ADD3: variants seen among roughly 807,000 people sequenced by gnomAD.
ADD3 encodes gamma-adducin.
In ADD3, 25 loss-of-function variants were observed where a neutral mutation model predicts 80.2. The observed-to-expected ratio is 0.31, with a 90% CI of 0.23 to 0.44. ADD3 has a LOEUF of 0.44. ADD3 is among the 20% of genes least tolerant of loss of function. The pLI, the probability that ADD3 is intolerant of heterozygous loss-of-function variation, is 1.00. For synonymous variants in ADD3, 284 were observed against 289.6 expected (o/e 0.98, Z 0.20); for missense variants, 829 against 847.5 (o/e 0.98, Z 0.27).
chr10:110,012,893 T>C (rs1329856833), intron 1 of ADD3, among the ~76,000 whole-genome samples: 3 of 152,104 alleles, frequency 2.0e-5, no homozygotes, highest in African/African-American at 7.2e-5. Context: ...GCCACAGGCC[T>C]GGTTTATATC....
intron 1 of ADD3, among the ~76,000 whole-genome samples, chr10:110,042,507 C>CA (rs900393739): frequency 2.2e-4 from 34 of 151,412 alleles, no homozygotes; most frequent in African/African-American, 7.7e-4. Context: ...ATCTTTTTAC[C>CA]AAAAAAACAA....
At chr10:110,028,084 C>A (rs1187504223) in intron 1 of ADD3, among the ~76,000 whole-genome samples, 1 of 152,122 alleles carries the variant, frequency 6.6e-6, no homozygotes, top group African/African-American at 2.4e-5. Flanking sequence ...TTAAATACCT[C>A]TCAAGTTGCT....
At chr10:110,067,253 ATAAAG>A (rs1844067068) in intron 1 of ADD3, among the ~76,000 whole-genome samples, 1 of 152,264 alleles carries the variant, frequency 6.6e-6, no homozygotes, top group Non-Finnish European at 1.5e-5. Flanking sequence ...GTGAAATCAA[ATAAAG>A]TAATTTGCAC....
chr10:110,106,794 T>G (rs1849445896), intron 2 of ADD3, among the ~76,000 whole-genome samples: 3 of 152,136 alleles, frequency 2.0e-5, no homozygotes, highest in Admixed American at 2.0e-4. Flanking sequence ...AATTAAGTTT[T>G]CAAGTAGGAT....
At chr10:110,078,883 TAAATATTGAA>T (rs1329794918) in intron 1 of ADD3, among the ~76,000 whole-genome samples, 1 of 152,238 alleles carries the variant, frequency 6.6e-6, no homozygotes, top group African/African-American at 2.4e-5. Context: ...AATTTGCTGT[TAAATATTGAA>T]ATTAGAAGAT....
chr10:110,104,301 G>C (rs1035890679), intron 2 of ADD3, among the ~76,000 whole-genome samples: 2 of 152,170 alleles, frequency 1.3e-5, no homozygotes, highest in African/African-American at 4.8e-5. Context: ...GAACCTCCCT[G>C]GTGCTTGGCT....
At chr10:110,035,894 G>T (rs1855581810) in intron 1 of ADD3, among the ~76,000 whole-genome samples, 1 of 152,098 alleles carries the variant, frequency 6.6e-6, no homozygotes, top group South Asian at 2.1e-4. Context: ...GCTCATGCCT[G>T]TAATCCCAAC....
intron 1 of ADD3, among the ~76,000 whole-genome samples, chr10:110,024,365 CA>C (rs962546936): frequency 5.9e-5 from 9 of 151,646 alleles, no homozygotes; most frequent in East Asian, 5.8e-4. Context: ...AAATTATTGC[CA>C]AAAAAAATCA....
At chr10:110,116,958 C>T (rs1394128309) in intron 4 of ADD3, among the ~76,000 whole-genome samples, 2 of 152,106 alleles carry the variant, frequency 1.3e-5, no homozygotes, top group South Asian at 2.1e-4. Flanking sequence ...TTAATTCCTT[C>T]CTAGGAAGAG....
chr10:110,067,827 A>C (rs1230389521), intron 1 of ADD3, among the ~76,000 whole-genome samples: 1 of 152,338 alleles, frequency 6.6e-6, no homozygotes, highest in East Asian at 1.9e-4. Flanking sequence ...TAAGGTATAC[A>C]TCGCTTTTCT....
chr10:110,059,253 C>G (rs1858580141), intron 1 of ADD3, among the ~76,000 whole-genome samples: 3 of 152,350 alleles, frequency 2.0e-5, no homozygotes, highest in Admixed American at 6.5e-5. Context: ...AGTTGAATCA[C>G]TTGAAGTCAG....
At chr10:110,009,527 A>AT (rs1228553539) in intron 1 of ADD3, among the ~76,000 whole-genome samples, 4 of 152,236 alleles carry the variant, frequency 2.6e-5, no homozygotes, top group African/African-American at 7.2e-5. Context: ...CAACCCATTT[A>AT]TAGGGTTAAG....
intron 1 of ADD3, among the ~76,000 whole-genome samples, chr10:110,041,582 T>C (rs2133299625): frequency 6.6e-6 from 1 of 152,280 alleles, no homozygotes; most frequent in South Asian, 2.1e-4. Context: ...AGATTATGTG[T>C]GATATAGGAT....
Position 110,130,420 on chromosome 10 carries a change from C to T in ADD3, c.1666C>T (p.His556Tyr), listed in dbSNP as rs778135859. Reference protein sequence around the residue: ...GPPAPPNPFSHLTEGELEEYK... With the variant: ...GPPAPPNPFSYLTEGELEEYK... ...ACCAGCTCCTCCTAACCCATTTAGT[C>T]ATCTCACAGAAGGAGAACTTGAAGA... Residue 556 changes from histidine to tyrosine, a missense_variant, in exon 13 of 15, where the codon CAT becomes TAT. His to Tyr is a moderately conservative substitution (Grantham distance 83). Transcript: ENST00000356080. 6.2e-7 allele frequency: 1 copy of T among 1,614,036 alleles called. No homozygotes were observed. The highest frequency in any genetic ancestry group is 1.7e-5 in the Admixed American group (1 of 60,026).
chr10:110,007,608 A>G (rs1214975454), upstream of ADD3, among the ~76,000 whole-genome samples: 2 of 152,178 alleles, frequency 1.3e-5, no homozygotes, highest in Admixed American at 1.3e-4. Flanking sequence ...CGAGCTGCAC[A>G]GTCAGAAGAG....
At chr10:110,079,529 T>A (rs2133751202) in intron 1 of ADD3, among the ~76,000 whole-genome samples, 1 of 150,404 alleles carries the variant, frequency 6.6e-6, no homozygotes, top group African/African-American at 2.4e-5. Context: ...TTTTAATACA[T>A]ATAAAATTAT....
intron 1 of ADD3, 96 bp from the exon 2 acceptor site, chr10:110,100,529 C>T (rs1333987954): frequency 1.3e-6 from 1 of 741,120 alleles, no homozygotes. Flanking sequence ...CACCTGTTAA[C>T]TCTGAGGGCA....
At position 110,119,492 on chromosome 10, in the gene ADD3, G is replaced by C; in HGVS notation, c.888G>C (p.Val296=). The change falls in exon 8 of 15, where the codon GTG becomes GTC. Residue 296 remains valine, a synonymous_variant. Transcript: ENST00000356080. ...CKVLVLRNHG[V]VALGETLEEA... ...TGCTGGTACTCAGGAATCATGGTGTGGTTGCACTTGGAGAAACATTAGAGG... is the reference window on the plus strand; with the variant it reads ...TGCTGGTACTCAGGAATCATGGTGTCGTTGCACTTGGAGAAACATTAGAGG... 1 of 1,614,086 alleles carries C rather than the reference G, an allele frequency of 6.2e-7. No individual in the cohort carries two copies. Among genetic ancestry groups the C allele is most frequent in the Non-Finnish European group, 8.5e-7 (1 of 1,179,990 alleles).
intron 2 of ADD3, chr10:110,112,312 G>T (rs1219847462): frequency 1.3e-5 from 2 of 153,326 alleles, no homozygotes; most frequent in Middle Eastern, 3.3e-3. Context: ...TAAAGACGAG[G>T]ATTCTCCATG....
Sources: gnomAD v4.1 joint callset for allele counts (sites outside exome capture counted in the v4.1 genomes callset) on GRCh38, gnomAD v4.1.1 for gene constraint, MANE v1.5 for transcripts, NCBI Gene and HGNC (gene_info 2026-07-23, HGNC 2026-07-21) for gene names.